The following PLIN5 variants were observed in gnomAD, a reference collection of about 807,000 sequenced individuals.
PLIN5 encodes the protein perilipin 5, also known as perilipin-5.
PLIN5 carries 34 observed loss-of-function variants against 32.8 expected under a neutral mutation model. The ratio of observed to expected loss-of-function variants is 1.04; its 90% CI spans 0.79 to 1.38. The LOEUF (loss-of-function observed/expected upper bound fraction) is 1.38. Among genes scored for constraint, PLIN5 ranks in the 40% most tolerant of loss-of-function variants. PLIN5 has a pLI of 0.00. For missense variants in PLIN5, 712 were observed against 660.5 expected, an observed-to-expected ratio of 1.08 and a Z score of -0.85; for synonymous variants, 309 against 292.9, an observed-to-expected ratio of 1.05 and a Z score of -0.56.
chr19:4,524,915 G>T, intron 7 of PLIN5, 48 bp downstream of exon 7: 2 of 1,472,688 alleles, frequency 1.4e-6, no homozygotes, highest in Non-Finnish European at 1.8e-6. Context: ...CTCTTCCTCC[G>T]CGGCCTGGTG....
chr19:4,526,678 T>A (rs1976807426), intron 5 of PLIN5, among the ~76,000 whole-genome samples: 2 of 151,684 alleles, frequency 1.3e-5, no homozygotes, highest in East Asian at 3.9e-4. Context: ...CAAAAAACCC[T>A]GTCTCTAAAA....
chr19:4,529,516 A>ACT, intron 4 of PLIN5: 1 of 524,528 alleles, frequency 1.9e-6, no homozygotes, highest in African/African-American at 1.9e-5. Flanking sequence ...ATACATGTAT[A>ACT]TATACACATA....
At position 4,525,920 on chromosome 19, in the gene PLIN5, CGGGGACAGCACGGGGACAGGAT is replaced by C; in HGVS notation, c.521-110_521-89del. ...ACGGGGACAGCACGGGGACAGGATACGGGGACAGCACGGGGACAGGATACGGGGACAGCACGGGGACAGCATG... is the reference window on the plus strand; with the variant it reads ...ACGGGGACAGCACGGGGACAGGATACACGGGGACAGCACGGGGACAGCATG... On this transcript the variant is annotated intron_variant, in intron 5 of 7. Coordinates refer to ENST00000381848, the MANE Select transcript of PLIN5 (RefSeq NM_001013706.3). This position sits in a 1 kb window ranked among gnomAD's most constrained non-coding sequence, Gnocchi z 5.6. 2 of 529,058 alleles carry C rather than the reference CGGGGACAGCACGGGGACAGGAT, an allele frequency of 3.8e-6. No individual in the cohort carries two copies. 32.8% of individuals were successfully genotyped at this position (529,058 alleles called of 1,614,324 possible).
rs373047740 is a variant in PLIN5 at position 4,534,169 on chromosome 19, A to C, written c.-21-74T>G. On this transcript the variant is annotated intron_variant, in intron 1 of 7. Transcript: ENST00000381848. ...CTGTCAAATTGGGCTCTGTGACTTG[A>C]GCAACTCTCAAACCTCTTGGGGCCT... 7.6e-6 allele frequency: 10 copies of C among 1,318,650 alleles called. 1 individual carries two copies. The African/African-American group carries it at 1.0e-4, about 14-fold the overall frequency. The allele number at this position is 1,318,650 out of a possible 1,614,324, so 81.7% of individuals were successfully genotyped here. A position where few individuals can be genotyped will look rare whatever the true frequency, so the allele number is the denominator to read the frequency against.
At position 4,523,427 on chromosome 19, in the gene PLIN5, G is replaced by C; in HGVS notation, c.*101C>G. On this transcript the variant is annotated 3_prime_UTR_variant, in exon 8 of 8. Coordinates refer to ENST00000381848, the MANE Select transcript of PLIN5 (RefSeq NM_001013706.3). This position sits in a 1 kb window ranked among gnomAD's most constrained non-coding sequence, Gnocchi z 5.0. ...CGGAGTTGGGCCTGATTCCAAAGAA[G>C]GGTCAAGGCCAAGGCCTCGAGCTTA... 1 of 1,327,944 alleles carries C rather than the reference G, an allele frequency of 7.5e-7. No homozygotes were observed. Among genetic ancestry groups the C allele is most frequent in the Admixed American group, 2.7e-5 (1 of 36,760 alleles). The allele number at this position is 1,327,944 out of a possible 1,614,324, so 82.3% of individuals were successfully genotyped here. A position where few individuals can be genotyped will look rare whatever the true frequency, so the allele number is the denominator to read the frequency against.
rs769817840 is a variant in PLIN5 at position 4,534,109 on chromosome 19, T to C, written c.-21-14A>G. The C allele has an allele frequency of 5.9e-5, 94 of 1,599,096 alleles. No homozygotes were observed. Among genetic ancestry groups the C allele is most frequent in the Non-Finnish European group, 7.0e-5 (82 of 1,173,092 alleles). ...AACAGGGTCACCCTGCGGGGCAGGATTGAGTAAGGGGAGCACCTGCCCAGG... is the reference window on the plus strand; with the variant it reads ...AACAGGGTCACCCTGCGGGGCAGGACTGAGTAAGGGGAGCACCTGCCCAGG... On this transcript the variant is annotated splice_polypyrimidine_tract_variant and intron_variant, in intron 1 of 7. Transcript: ENST00000381848.
chr19:4,534,547 T>A (rs1041203754), intron 1 of PLIN5, among the ~76,000 whole-genome samples: 6 of 152,114 alleles, frequency 3.9e-5, no homozygotes, highest in African/African-American at 1.4e-4. Flanking sequence ...ATTTTTGTAT[T>A]TTTAGTAGAA....
At chr19:4,532,096 GGCA>G (rs1976893563) in intron 2 of PLIN5, among the ~76,000 whole-genome samples, 1 of 152,226 alleles carries the variant, frequency 6.6e-6, no homozygotes, top group South Asian at 2.1e-4. Context: ...GGAGTGCAGT[GGCA>G]CCATCTCGGC....
At chr19:4,526,276 C>T (rs1976802699) in intron 5 of PLIN5, among the ~76,000 whole-genome samples, 1 of 152,040 alleles carries the variant, frequency 6.6e-6, no homozygotes, top group African/African-American at 2.4e-5. Context: ...GGCTGGAGTG[C>T]AGTGGCACTA....
At chr19:4,526,281 G>A (rs146958812) in intron 5 of PLIN5, among the ~76,000 whole-genome samples, 1 of 152,188 alleles carries the variant, frequency 6.6e-6, no homozygotes, top group Non-Finnish European at 1.5e-5. Flanking sequence ...GAGTGCAGTG[G>A]CACTATCCCA....
rs1976861865 is a variant in PLIN5, at chr19:4,529,852, T to C, written c.271A>G (p.Ser91Gly). The C allele has an allele frequency of 6.2e-7, 1 of 1,604,000 alleles. No homozygotes were observed. The highest frequency in any genetic ancestry group is 8.5e-7 in the Non-Finnish European group (1 of 1,173,208). ...HLQPQLATMN[S>G]LACRGLDKLE... ...TTGTCCAGGCCCCTGCAGGCGAGGCTGTTCATAGTGGCCACTGAAGGGAGA... is the reference window on the plus strand; with the variant it reads ...TTGTCCAGGCCCCTGCAGGCGAGGCCGTTCATAGTGGCCACTGAAGGGAGA... Residue 91 changes from serine (S) to glycine (G), a missense_variant, in exon 4 of 8, where the codon AGC (serine) becomes GGC (glycine). Ser to Gly is a moderately conservative substitution (Grantham distance 56, BLOSUM62 0). Transcript: ENST00000381848.
In PLIN5 at chr19:4,523,768, C is replaced by T. The variant is rs199610304; in HGVS notation, c.1152G>A (p.Glu384=). 2.6e-4 allele frequency: 422 copies of T among 1,599,030 alleles called. No homozygotes were observed. The highest frequency in any genetic ancestry group is 3.4e-4 in the Non-Finnish European group (399 of 1,179,384). The change falls in exon 8 of 8, where the codon GAG becomes GAA. Residue 384 remains glutamate (E), a synonymous_variant. Coordinates refer to ENST00000381848, the MANE Select transcript of PLIN5 (RefSeq NM_001013706.3). The surrounding 1 kb of genome is among the most constrained non-coding windows in gnomAD (Gnocchi z 5.0). ...LVGPFAPILV[E]RPEPLPDLAD... ...CCAGGTCGGGCAGGGGCTCGGGTCGCTCCACAAGGATGGGCGCGAAGGGTC... is the reference window on the plus strand; with the variant it reads ...CCAGGTCGGGCAGGGGCTCGGGTCGTTCCACAAGGATGGGCGCGAAGGGTC...
intron 3 of PLIN5, among the ~76,000 whole-genome samples, chr19:4,531,240 C>T (rs1976879910): frequency 6.6e-6 from 1 of 151,872 alleles, no homozygotes; most frequent in South Asian, 2.1e-4. Flanking sequence ...ACCTTGTGAT[C>T]CAACCGCCTC....
chr19:4,532,879 T>C (rs929878726), intron 2 of PLIN5: 1 of 152,246 alleles, frequency 6.6e-6, no homozygotes, highest in African/African-American at 2.4e-5. Flanking sequence ...GTGTTGCCCA[T>C]GCTGGTCTTG....
chr19:4,525,846 T>TACGGGGACAGCACGGGGACAGC lies in PLIN5; in HGVS notation c.521-15_521-14insGCTGTCCCCGTGCTGTCCCCGT. The TACGGGGACAGCACGGGGACAGC allele has an allele frequency of 6.4e-7, 1 of 1,559,898 alleles. No individual in the cohort carries two copies. The highest frequency in any genetic ancestry group is 8.6e-7 in the Non-Finnish European group (1 of 1,164,172). ...CCGCCAGTGCCGCTGGAGGACAGGA[T>TACGGGGACAGCACGGGGACAGC]ACGGGGACAGCACGGGGACAGGATA... On this transcript the variant is annotated splice_polypyrimidine_tract_variant and intron_variant, in intron 5 of 7. Transcript: ENST00000381848. This position sits in a 1 kb window ranked among gnomAD's most constrained non-coding sequence, Gnocchi z 5.6.
intron 3 of PLIN5, among the ~76,000 whole-genome samples, chr19:4,530,348 C>T (rs77251172): frequency 0.01 from 1,546 of 152,284 alleles, 23 homozygotes; most frequent in African/African-American, 0.035. Flanking sequence ...CTCAAGGTCA[C>T]AGAAGCTGGC....
At chr19:4,531,199 C>T (rs1976879578) in intron 3 of PLIN5, among the ~76,000 whole-genome samples, 1 of 151,418 alleles carries the variant, frequency 6.6e-6, no homozygotes, top group African/African-American at 2.4e-5. Context: ...CAGGGTTTCA[C>T]TATGTTGTCC....
Position 4,525,664 on chromosome 19 carries a change from G to T in PLIN5, c.689C>A (p.Thr230Asn). Residue 230 changes from threonine to asparagine, a missense_variant, in exon 6 of 8, where the codon ACC (threonine) becomes AAC (asparagine). Coordinates refer to ENST00000381848, the MANE Select transcript of PLIN5 (RefSeq NM_001013706.3). The surrounding 1 kb of genome is among the most constrained non-coding windows in gnomAD (Gnocchi z 5.6). ...CAGCGTCTCCTGCAGCTGGGCCAGG[G>T]TGTCCTGGGCACGGTGTTTGCTCTG... ...LRQSKHRAQDTLAQLQETLEL... is the reference protein window; with the variant it reads ...LRQSKHRAQDNLAQLQETLEL... The T allele has an allele frequency of 6.2e-7, 1 of 1,613,606 alleles. No individual in the cohort carries two copies. Among genetic ancestry groups the T allele is most frequent in the East Asian group, 2.2e-5 (1 of 44,870 alleles).
chr19:4,534,118 G>A (rs1186162012), intron 1 of PLIN5, 23 bp from the exon 2 acceptor site: 1 of 1,584,884 alleles, frequency 6.3e-7, no homozygotes. Context: ...ATTGAGTAAG[G>A]GGAGCACCTG....
Sources: allele counts gnomAD v4.1 joint callset (sites outside exome capture counted in the v4.1 genomes callset), GRCh38; gene constraint gnomAD v4.1.1; non-coding constraint Gnocchi (gnomAD v3.1); transcripts MANE v1.5; gene names NCBI Gene and HGNC (gene_info 2026-07-23, HGNC 2026-07-21).